Variants in TRDN observed in about 807,000 individuals in gnomAD.
TRDN encodes triadin in skeletal muscle.
In TRDN, 161 loss-of-function variants were observed where a neutral mutation model predicts 149.7. The observed-to-expected ratio is 1.08, with a 90% CI of 0.95 to 1.23. The LOEUF is 1.23. TRDN is among the 50% of genes most tolerant of loss of function. TRDN has a pLI of 0.00. For missense variants in TRDN, 896 were observed against 823.5 expected, an observed-to-expected ratio of 1.09 and a Z score of -1.08; for synonymous variants, 294 against 250.5, an observed-to-expected ratio of 1.17 and a Z score of -1.64.
chr6:123,477,835 C>G (rs1275092177), intron 9 of TRDN, among the ~76,000 whole-genome samples: 1 of 148,516 alleles, frequency 6.7e-6, no homozygotes, highest in African/African-American at 2.5e-5. Context: ...CGCATATTCT[C>G]ACTCATAGGT....
chr6:123,446,463 T>C (rs1263390321), intron 10 of TRDN, among the ~76,000 whole-genome samples: 1 of 151,662 alleles, frequency 6.6e-6, no homozygotes, highest in Non-Finnish European at 1.5e-5. Context: ...TGGGCACCTG[T>C]AGCCCCAGCT....
At chr6:123,333,052 C>G (rs1335267774) in intron 22 of TRDN, among the ~76,000 whole-genome samples, 1 of 151,958 alleles carries the variant, frequency 6.6e-6, no homozygotes, top group Non-Finnish European at 1.5e-5. Context: ...TTTTTCCATA[C>G]TTCAGCATAT....
intron 12 of TRDN, among the ~76,000 whole-genome samples, chr6:123,395,386 C>T (rs774345455): frequency 3.3e-5 from 5 of 152,096 alleles, no homozygotes; most frequent in Non-Finnish European, 5.9e-5. Flanking sequence ...TCTCCCTCAG[C>T]GGTCAGGTTC....
chr6:123,518,229 A>G (rs1417310663), intron 5 of TRDN, among the ~76,000 whole-genome samples: 1 of 152,182 alleles, frequency 6.6e-6, no homozygotes, highest in Non-Finnish European at 1.5e-5. Flanking sequence ...TTCCACATTT[A>G]ATGGTTCTTT....
intron 12 of TRDN, chr6:123,437,488 CT>C (rs1232059283): frequency 4.1e-6 from 1 of 246,514 alleles, no homozygotes; most frequent in African/African-American, 2.4e-5. Flanking sequence ...TCACTACAGC[CT>C]CAACCTCCTG....
intron 12 of TRDN, chr6:123,411,679 A>G (rs1476773324): frequency 6.6e-6 from 1 of 152,228 alleles, no homozygotes; most frequent in Non-Finnish European, 1.5e-5. Flanking sequence ...ATTGCCACAT[A>G]GTAAGAACTT....
In TRDN at chr6:123,255,908, TAGA is replaced by T; in HGVS notation, c.1871-9_1871-7del. 7.8e-7 allele frequency: 1 copy of T among 1,286,188 alleles called. No individual in the cohort carries two copies. The highest frequency in any genetic ancestry group is 1.0e-6 in the Non-Finnish European group (1 of 995,140). 79.7% of individuals were successfully genotyped at this position (1,286,188 alleles called of 1,614,324 possible). On this transcript the variant is annotated splice_polypyrimidine_tract_variant and splice_region_variant and intron_variant, in intron 35 of 40. Transcript: ENST00000334268. ...ATGCTTCATGTCTGCTTTTTCTGTATAGAAGAAACAGTAACAGGGTAATTTATT... is the reference window on the plus strand; with the variant it reads ...ATGCTTCATGTCTGCTTTTTCTGTATAGAAACAGTAACAGGGTAATTTATT...
At chr6:123,306,657 A>G (rs1582847400) in intron 24 of TRDN, among the ~76,000 whole-genome samples, 1 of 152,020 alleles carries the variant, frequency 6.6e-6, no homozygotes, top group African/African-American at 2.4e-5. Flanking sequence ...TCACTCACCA[A>G]TGGGAGCTGG....
chr6:123,258,840 T>C (rs1012566765), intron 35 of TRDN, among the ~76,000 whole-genome samples: 5 of 152,214 alleles, frequency 3.3e-5, no homozygotes, highest in Non-Finnish European at 7.3e-5. Context: ...TAGTCAGGGA[T>C]TCAACTTCTT....
chr6:123,227,566 A>G (rs1775424381), intron 38 of TRDN, among the ~76,000 whole-genome samples: 1 of 151,916 alleles, frequency 6.6e-6, no homozygotes, highest in South Asian at 2.1e-4. Context: ...CATCAAGTTA[A>G]TGGGCAAAAC....
intron 34 of TRDN, 23 bp from the exon 35 acceptor site, chr6:123,259,685 G>A (rs1387933966): frequency 1.4e-6 from 2 of 1,442,722 alleles, no homozygotes; most frequent in Admixed American, 2.4e-5. Context: ...AAAACAACAA[G>A]AAACCATCAT....
At chr6:123,224,255 G>T in intron 38 of TRDN, 124 bp from the exon 39 acceptor site, 1 of 869,318 alleles carries the variant, frequency 1.2e-6, no homozygotes, top group Non-Finnish European at 1.8e-6. Flanking sequence ...AGCATCTACA[G>T]TCTCCATAAA....
chr6:123,525,296 C>T (rs1779888987), intron 5 of TRDN, among the ~76,000 whole-genome samples: 1 of 151,888 alleles, frequency 6.6e-6, no homozygotes, highest in African/African-American at 2.4e-5. Context: ...AGTCATGGAA[C>T]CAAACATAAG....
intron 20 of TRDN, among the ~76,000 whole-genome samples, chr6:123,360,253 T>C (rs1780847413): frequency 6.6e-6 from 1 of 152,082 alleles, no homozygotes; most frequent in South Asian, 2.1e-4. Flanking sequence ...TTGAAAAAAC[T>C]TCATGATATA....
chr6:123,283,840 G>T (rs373288720), intron 24 of TRDN, among the ~76,000 whole-genome samples: 4 of 149,188 alleles, frequency 2.7e-5, no homozygotes, highest in South Asian at 4.2e-4. Flanking sequence ...TCCAGGAATT[G>T]GGTGGATATA....
chr6:123,353,520 C>T (rs978752914), intron 20 of TRDN, among the ~76,000 whole-genome samples: 1 of 151,716 alleles, frequency 6.6e-6, no homozygotes, highest in Non-Finnish European at 1.5e-5. Flanking sequence ...ATTTAGCTTT[C>T]AGTTTCATCA....
rs61226758 is a variant in TRDN at position 123,564,254 on chromosome 6, G to A, written c.232+6669C>T. Among the ~76,000 whole-genome samples, 484 of 152,174 alleles carry A rather than the reference G, an allele frequency of 3.2e-3. 2 individuals carry two copies. The highest frequency in any genetic ancestry group is 0.011 in the African/African-American group (473 of 41,524). On this transcript the variant is annotated intron_variant, in intron 2 of 40. Coordinates refer to ENST00000334268, the MANE Select transcript of TRDN (RefSeq NM_006073.4). Reference sequence around the variant, plus strand: ...GCCTGGGGTAGTGAGCAGAAAATATGGAATTTGAGATAAGACTTGAATCAG... The same window carrying A: ...GCCTGGGGTAGTGAGCAGAAAATATAGAATTTGAGATAAGACTTGAATCAG...
At chr6:123,475,045 A>C (rs926138115) in intron 9 of TRDN, among the ~76,000 whole-genome samples, 13 of 152,058 alleles carry the variant, frequency 8.5e-5, no homozygotes, top group Non-Finnish European at 1.6e-4. Flanking sequence ...GAAGGCAAGA[A>C]ATAACTAAAA....
At chr6:123,339,224 C>T (rs1029833719) in intron 21 of TRDN, among the ~76,000 whole-genome samples, 37 of 151,852 alleles carry the variant, frequency 2.4e-4, no homozygotes, top group African/African-American at 8.5e-4. Context: ...AGGCTGGTCT[C>T]GAACTCCTGA....
Sources: allele counts gnomAD v4.1 joint callset (sites outside exome capture counted in the v4.1 genomes callset), GRCh38; gene constraint gnomAD v4.1.1; transcripts MANE v1.5; gene names NCBI Gene and HGNC (gene_info 2026-07-23, HGNC 2026-07-21).